Variants in MSH6 observed in about 807,000 individuals in gnomAD.
MSH6 encodes DNA mismatch repair protein Msh6.
In MSH6, 85 loss-of-function variants were observed where a neutral mutation model predicts 119.1. The observed-to-expected ratio is 0.71, with a 90% CI of 0.60 to 0.85. The LOEUF (loss-of-function observed/expected upper bound fraction) is 0.85, where lower values mean the gene tolerates loss of function less well. Among genes scored for constraint, MSH6 ranks in the 40% least tolerant of loss-of-function variants. The pLI, the probability that MSH6 is intolerant of heterozygous loss-of-function variation, is 0.00. For synonymous variants in MSH6, 830 were observed against 586.9 expected (o/e 1.41, Z -5.99); for missense variants, 2,163 against 1,655.3 (o/e 1.31, Z -5.32).
rs535232768 is a variant in MSH6, at chr2:47,785,201, A to G, written c.260+1708A>G. Among the ~76,000 whole-genome samples the G allele has an allele frequency of 1.2e-3, 189 of 151,844 alleles. 1 individual carries two copies. The highest frequency in any genetic ancestry group is 2.0e-3 in the Non-Finnish European group (133 of 67,964). Reference sequence around the variant, plus strand: ...AATAAAGGCTCAGAAAAAATAACTCATTCAAGATAAGAGCCAGTTCGTGTT... The same window carrying G: ...AATAAAGGCTCAGAAAAAATAACTCGTTCAAGATAAGAGCCAGTTCGTGTT... On this transcript the variant is annotated intron_variant, in intron 1 of 9. Coordinates refer to ENST00000234420, the MANE Select transcript of MSH6 (RefSeq NM_000179.3).
In MSH6 at chr2:47,783,157, A is replaced by G. The variant is rs1668101782; in HGVS notation, c.-77A>G. On this transcript the variant is annotated 5_prime_UTR_variant, in exon 1 of 10. Transcript: ENST00000234420. ...CGCGCCTCCCCCCAGATTTCCCGCC[A>G]GCAGGAGCCGCGCGGTAGATGCGGT... The G allele has an allele frequency of 6.3e-7, 1 of 1,584,870 alleles. No homozygotes were observed. The highest frequency in any genetic ancestry group is 2.4e-5 in the East Asian group (1 of 42,044).
At chr2:47,796,685 G>T (rs1007384775) in intron 3 of MSH6, among the ~76,000 whole-genome samples, 4 of 152,254 alleles carry the variant, frequency 2.6e-5, no homozygotes, top group African/African-American at 9.6e-5. Context: ...TAGGGGCCAG[G>T]TGTGGTGGTT....
chr2:47,808,063 A>C, downstream of MSH6: 1 of 1,464,558 alleles, frequency 6.8e-7, no homozygotes, highest in Non-Finnish European at 9.3e-7. Flanking sequence ...TCTTCCAAAA[A>C]AGTGTTTTAA....
rs1572728039 is a variant in MSH6 at position 47,800,645 on chromosome 2, A to T, written c.2662A>T (p.Lys888Ter). The stretch of plus-strand genomic sequence containing the variant: ...TGATGGTTTTAAGTCTAAAATCCTT[A>T]AGCAGGTCATCTCTCTGCAGACAAA... ...VADGFKSKIL[K>*]QVISLQTKNP... is the part of the protein sequence containing the mutation. The change falls in exon 4 of 10, where the codon AAG becomes TAG. Residue 888 changes from lysine to a stop codon, truncating the protein, a stop_gained. Transcript: ENST00000234420. LOFTEE classifies it high-confidence loss of function. 6.2e-7 allele frequency: 1 copy of T among 1,614,214 alleles called. No individual in the cohort carries two copies. Among genetic ancestry groups the T allele is most frequent in the Non-Finnish European group, 8.5e-7 (1 of 1,180,034 alleles).
At chr2:47,793,384 CTT>C (rs996204695) in intron 2 of MSH6, among the ~76,000 whole-genome samples, 12 of 139,560 alleles carry the variant, frequency 8.6e-5, no homozygotes, top group Admixed American at 7.3e-4. Flanking sequence ...AATCCCAACA[CTT>C]TGGGAGGCCC....
At chr2:47,796,143 C>T (rs1272177048) in intron 3 of MSH6, 80 bp downstream of exon 3, 4 of 1,417,222 alleles carry the variant, frequency 2.8e-6, no homozygotes, top group African/African-American at 2.8e-5. Context: ...TAACAAGATA[C>T]CTTGTTTTAT....
chr2:47,809,698 A>G (rs1187017015), downstream of MSH6: 1 of 1,611,434 alleles, frequency 6.2e-7, no homozygotes, highest in East Asian at 2.2e-5. Context: ...GTGATTTGTA[A>G]TTTCAATACC....
At chr2:47,805,048 T>TTAAG in intron 6 of MSH6, 21 bp downstream of exon 6, 2 of 1,500,854 alleles carry the variant, frequency 1.3e-6, no homozygotes, top group Non-Finnish European at 1.9e-6. Context: ...TGTTTCCCAC[T>TTAAG]TAAGTTCTCA....
At chr2:47,787,205 C>A (rs1374521672) in intron 1 of MSH6, among the ~76,000 whole-genome samples, 1 of 152,106 alleles carries the variant, frequency 6.6e-6, no homozygotes, top group African/African-American at 2.4e-5. Flanking sequence ...GGGAGGATCG[C>A]TTGAGTCCAG....
In MSH6 at chr2:47,799,236, C is replaced by G. The variant is rs2104331392; in HGVS notation, c.1253C>G (p.Ser418Cys). ...PGMRKWWQIK[S>C]QNFDLVICYK... is the part of the protein sequence containing the mutation. Reference sequence around the variant, plus strand: ...ATGAGGAAGTGGTGGCAGATTAAGTCTCAGAACTTTGATCTTGTCATCTGT... The same window carrying G: ...ATGAGGAAGTGGTGGCAGATTAAGTGTCAGAACTTTGATCTTGTCATCTGT... The change falls in exon 4 of 10, where the codon TCT becomes TGT. Residue 418 changes from serine (S) to cysteine (C), a missense_variant. By Grantham distance (112) the Ser-to-Cys change is moderately radical. Coordinates refer to ENST00000234420, the MANE Select transcript of MSH6 (RefSeq NM_000179.3). 6.2e-7 allele frequency: 1 copy of G among 1,614,126 alleles called. No individual in the cohort carries two copies. The highest frequency in any genetic ancestry group is 8.5e-7 in the Non-Finnish European group (1 of 1,180,030).
At position 47,799,457 on chromosome 2, in the gene MSH6, A is replaced by G. The variant is rs61754783; in HGVS notation, c.1474A>G (p.Met492Val). 164 of 1,614,046 alleles carry G rather than the reference A, an allele frequency of 1.0e-4. No individual in the cohort carries two copies. The highest frequency in any genetic ancestry group is 1.0e-4 in the Non-Finnish European group (120 of 1,180,032). Residue 492 changes from methionine (M) to valine (V), a missense_variant, in exon 4 of 10, where the codon ATG (methionine) becomes GTG (valine). Coordinates refer to ENST00000234420, the MANE Select transcript of MSH6 (RefSeq NM_000179.3). ...GGAACAGACTGAGACTCCAGAAATG[A>G]TGGAGGCACGATGTAGAAAGATGGC... is the stretch of plus-strand genomic sequence containing the variant. ...RVEQTETPEM[M>V]EARCRKMAHI...
intron 7 of MSH6, 129 bp downstream of exon 7, chr2:47,805,836 T>G (rs144047075): frequency 1.3e-6 from 1 of 789,724 alleles, no homozygotes; most frequent in Non-Finnish European, 2.2e-6. Flanking sequence ...GCACTCACCA[T>G]TGTGGCACAG....
Position 47,800,587 on chromosome 2 carries a change from G to C in MSH6, c.2604G>C (p.Met868Ile), listed in dbSNP as rs749508276. The change falls in exon 4 of 10, where the codon ATG becomes ATC. Residue 868 changes from methionine (M) to isoleucine (I), a missense_variant. By Grantham distance (10) the Met-to-Ile change is conservative. Transcript: ENST00000234420. ...CTGCTCTGGAAGGATTCAAAGTAAT[G>C]TGTAAAATTATAGGGATCATGGAAG... The part of the protein sequence containing the change: ...FLSALEGFKV[M>I]CKIIGIMEEV... 6.2e-7 allele frequency: 1 copy of C among 1,614,126 alleles called. No individual in the cohort carries two copies. The highest frequency in any genetic ancestry group is 1.1e-5 in the South Asian group (1 of 91,080).
At chr2:47,787,901 C>T (rs1217664802) in intron 1 of MSH6, among the ~76,000 whole-genome samples, 4 of 152,116 alleles carry the variant, frequency 2.6e-5, no homozygotes. Context: ...AGCCACCACA[C>T]CTGGCCTATT....
chr2:47,799,980 C>T lies in MSH6; in HGVS notation c.1997C>T (p.Ser666Phe), dbSNP rs760494271. The stretch of plus-strand genomic sequence containing the variant: ...GTGCTTAAAGGTATGACTTCAGAGT[C>T]TGATTCCATTGGGTTGACACCAGGA... Reference protein sequence around the residue: ...PQVLKGMTSESDSIGLTPGEK... With the variant: ...PQVLKGMTSEFDSIGLTPGEK... Residue 666 changes from serine (S) to phenylalanine (F), a missense_variant, in exon 4 of 10, where the codon TCT becomes TTT. Physicochemically the swap from Ser to Phe is radical, Grantham distance 155 (BLOSUM62 -2). Transcript: ENST00000234420. 6.2e-7 allele frequency: 1 copy of T among 1,614,002 alleles called. No homozygotes were observed. Among genetic ancestry groups the T allele is most frequent in the African/African-American group, 1.3e-5 (1 of 74,970 alleles).
chr2:47,801,856 C>G (rs1034129335), intron 4 of MSH6, among the ~76,000 whole-genome samples: 9 of 152,160 alleles, frequency 5.9e-5, no homozygotes, highest in African/African-American at 2.2e-4. Flanking sequence ...CCTATGTTGC[C>G]CAGGCTGGTC....
chr2:47,799,975 A>C lies in MSH6; in HGVS notation c.1992A>C (p.Ser664=). The change falls in exon 4 of 10, where the codon TCA becomes TCC. Residue 664 remains serine, a synonymous_variant. Coordinates refer to ENST00000234420, the MANE Select transcript of MSH6 (RefSeq NM_000179.3). ...MLPQVLKGMT[S]ESDSIGLTPG... ...CCCAGGTGCTTAAAGGTATGACTTC[A>C]GAGTCTGATTCCATTGGGTTGACAC... is the stretch of plus-strand genomic sequence containing the variant. 6.2e-7 allele frequency: 1 copy of C among 1,614,138 alleles called. No homozygotes were observed. Among genetic ancestry groups the C allele is most frequent in the South Asian group, 1.1e-5 (1 of 91,070 alleles).
Position 47,799,018 on chromosome 2 carries a change from T to C in MSH6, c.1035T>C (p.Asn345=), listed in dbSNP as rs765166082. 5.0e-6 allele frequency: 8 copies of C among 1,614,110 alleles called. No individual in the cohort carries two copies. The highest frequency in any genetic ancestry group is 1.3e-5 in the African/African-American group (1 of 74,950). Residue 345 remains asparagine, a synonymous_variant, in exon 4 of 10, where the codon AAT becomes AAC. Coordinates refer to ENST00000234420, the MANE Select transcript of MSH6 (RefSeq NM_000179.3). ...TGAGAGCTTTCTCTGCCCCTCAAAA[T>C]TCTGAATCCCAAGCCCACGTTAGTG... The part of the protein sequence containing the change: ...NTLRAFSAPQ[N]SESQAHVSGG...
Position 47,800,887 on chromosome 2 carries a change from CTA to C in MSH6, c.2906_2907del (p.Tyr969LeufsTer5), listed in dbSNP as rs786203924. 2 of 1,606,180 alleles carry C rather than the reference CTA, an allele frequency of 1.2e-6. No homozygotes were observed. Among genetic ancestry groups the C allele is most frequent in the Non-Finnish European group, 1.7e-6 (2 of 1,176,580 alleles). On this transcript the variant is annotated frameshift_variant, in exon 4 of 10. Coordinates refer to ENST00000234420, the MANE Select transcript of MSH6 (RefSeq NM_000179.3). LOFTEE classifies it high-confidence loss of function. ...RNRIGCRTIV[Y>X]WGIGRNRYQL... is the part of the protein sequence containing the mutation. ...ACAGAATTGGCTGTAGGACCATAGT[CTA>C]TTGGGGGATTGGTAGGAACCGTTAC... is the stretch of plus-strand genomic sequence containing the variant.
Sources: gnomAD v4.1 joint callset for allele counts (sites outside exome capture counted in the v4.1 genomes callset) on GRCh38, gnomAD v4.1.1 for gene constraint, MANE v1.5 for transcripts, NCBI Gene and HGNC (gene_info 2026-07-23, HGNC 2026-07-21) for gene names.